The following FOXP2 variants were observed in gnomAD, a reference collection of about 807,000 sequenced individuals.
FOXP2 encodes the protein forkhead box protein P2.
FOXP2 carries 12 observed loss-of-function variants against 115.8 expected under a neutral mutation model. That is an observed-to-expected ratio of 0.10 (90% confidence interval 0.07 to 0.17). The LOEUF (loss-of-function observed/expected upper bound fraction) is 0.17, where lower values mean the gene tolerates loss of function less well. FOXP2 is among the 10% of genes least tolerant of loss of function. FOXP2 has a pLI of 1.00. For missense variants in FOXP2, 629 were observed against 843.5 expected (o/e 0.75, Z 3.15); for synonymous variants, 328 against 297.7 (o/e 1.10, Z -1.05).
chr7:114,411,358 C>A (rs1415123050), upstream of FOXP2, among the ~76,000 whole-genome samples: 1 of 152,060 alleles, frequency 6.6e-6, no homozygotes, highest in Non-Finnish European at 1.5e-5. Context: ...AACAAATACA[C>A]CTGTAACTCA....
intron 2 of FOXP2, among the ~76,000 whole-genome samples, chr7:114,386,630 C>G (rs981484263): frequency 6.6e-6 from 1 of 152,120 alleles, no homozygotes; most frequent in Admixed American, 6.6e-5. Flanking sequence ...TCACACTGAA[C>G]CAGATTTACA....
Position 114,659,639 on chromosome 7 carries a change from T to G in FOXP2, c.1613T>G (p.Phe538Cys). ...NEIYSWFTRT[F>C]AYFRRNAATW... Reference sequence around the variant, plus strand: ...ATTTACAGCTGGTTTACACGGACATTTGCTTACTTCAGGCGTAATGCAGCA... The same window carrying G: ...ATTTACAGCTGGTTTACACGGACATGTGCTTACTTCAGGCGTAATGCAGCA... Residue 538 changes from phenylalanine (F) to cysteine (C), a missense_variant, in exon 13 of 17, where the codon TTT becomes TGT. Physicochemically the swap from Phe to Cys is radical, Grantham distance 205 (BLOSUM62 -2). This residue lies in a region of FOXP2 where 26 missense variants were observed against 61.1 expected (regional missense o/e 0.43). Transcript: ENST00000350908. 6.2e-7 allele frequency: 1 copy of G among 1,613,700 alleles called. No individual in the cohort carries two copies.
chr7:114,126,883 C>T (rs1791724283), intron 1 of FOXP2, among the ~76,000 whole-genome samples: 1 of 152,114 alleles, frequency 6.6e-6, no homozygotes, highest in Non-Finnish European at 1.5e-5. Context: ...TTTCTTTTGG[C>T]TGATGCACTT....
intron 2 of FOXP2, among the ~76,000 whole-genome samples, chr7:114,348,363 A>G (rs1021175414): frequency 5.3e-5 from 8 of 151,604 alleles, no homozygotes; most frequent in Non-Finnish European, 7.4e-5. Context: ...TAATTGATTC[A>G]TCTTTCTTTC....
chr7:114,399,114 CTTTTT>C (rs66789053), intron 2 of FOXP2, among the ~76,000 whole-genome samples: 1 of 141,408 alleles, frequency 7.1e-6, no homozygotes, highest in African/African-American at 2.6e-5. Flanking sequence ...TTTTCTTTTT[CTTTTT>C]TTTTTTTTTG....
chr7:114,309,277 C>G (rs771076372), intron 2 of FOXP2, among the ~76,000 whole-genome samples: 4 of 152,158 alleles, frequency 2.6e-5, no homozygotes, highest in Non-Finnish European at 4.4e-5. Flanking sequence ...AACTGAAGCT[C>G]AGGAAACTGG....
At chr7:114,162,491 A>T (rs189215183), upstream of FOXP2, among the ~76,000 whole-genome samples, 1 of 151,918 alleles carries the variant, frequency 6.6e-6, no homozygotes, top group East Asian at 1.9e-4. Context: ...TTATTATTCC[A>T]TTAAAATTTT....
At chr7:114,190,412 G>A (rs1276360639) in intron 1 of FOXP2, among the ~76,000 whole-genome samples, 1 of 152,138 alleles carries the variant, frequency 6.6e-6, no homozygotes, top group African/African-American at 2.4e-5. Context: ...CATTTCTCCT[G>A]CTCTTGGACA....
chr7:114,523,191 G>C (rs1226297517), intron 2 of FOXP2, among the ~76,000 whole-genome samples: 1 of 152,144 alleles, frequency 6.6e-6, no homozygotes, highest in Non-Finnish European at 1.5e-5. Flanking sequence ...TTTATTCAGA[G>C]ATCATCAATG....
intron 16 of FOXP2, among the ~76,000 whole-genome samples, chr7:114,670,752 T>A (rs540371791): frequency 3.3e-5 from 5 of 152,264 alleles, no homozygotes; most frequent in Non-Finnish European, 7.4e-5. Context: ...TGGTTGCTGA[T>A]ATTTTATATA....
intron 1 of FOXP2, among the ~76,000 whole-genome samples, chr7:114,146,306 T>G (rs4727797): frequency 0.71 from 107,829 of 152,122 alleles, 42,183 homozygotes; most frequent in Non-Finnish European, 0.87. Context: ...ACACTAGGCA[T>G]AATACATGTT....
At chr7:114,623,396 C>A (rs1584961604) in intron 3 of FOXP2, among the ~76,000 whole-genome samples, 1 of 151,734 alleles carries the variant, frequency 6.6e-6, no homozygotes, top group Non-Finnish European at 1.5e-5. Context: ...AGTGACCATG[C>A]AAATGTTTCA....
chr7:114,318,737 G>T (rs966585235), intron 2 of FOXP2, among the ~76,000 whole-genome samples: 2 of 141,408 alleles, frequency 1.4e-5, no homozygotes, highest in Non-Finnish European at 3.1e-5. Context: ...ACACACACAC[G>T]CACAGACATA....
intron 1 of FOXP2, among the ~76,000 whole-genome samples, chr7:114,092,723 C>A (rs1445996653): frequency 6.6e-6 from 1 of 151,888 alleles, no homozygotes; most frequent in African/African-American, 2.4e-5. Flanking sequence ...AAAAAAAGAT[C>A]CCCAACATCT....
At chr7:114,100,093 G>A (rs901898901) in intron 1 of FOXP2, among the ~76,000 whole-genome samples, 1 of 152,024 alleles carries the variant, frequency 6.6e-6, no homozygotes, top group African/African-American at 2.4e-5. Flanking sequence ...TTTTTGTAAT[G>A]TCTAATATTT....
intron 1 of FOXP2, among the ~76,000 whole-genome samples, chr7:114,154,191 A>G (rs1792597561): frequency 6.6e-6 from 1 of 152,150 alleles, no homozygotes; most frequent in South Asian, 2.1e-4. Context: ...AGCTGCAAGC[A>G]TGTTACAAGG....
At chr7:114,619,966 G>T (rs1325405285) in intron 3 of FOXP2, among the ~76,000 whole-genome samples, 1 of 151,966 alleles carries the variant, frequency 6.6e-6, no homozygotes, top group East Asian at 1.9e-4. Context: ...GTCATTTATG[G>T]TGTATAGGGT....
intron 1 of FOXP2, among the ~76,000 whole-genome samples, chr7:114,210,304 G>GCAACCA (rs1347047538): frequency 6.6e-6 from 1 of 152,198 alleles, no homozygotes; most frequent in Non-Finnish European, 1.5e-5. Context: ...TGACTTCAAA[G>GCAACCA]ATGGGGTTTT....
chr7:114,539,336 A>G (rs532387917), intron 3 of FOXP2, among the ~76,000 whole-genome samples: 1 of 152,038 alleles, frequency 6.6e-6, no homozygotes, highest in East Asian at 1.9e-4. Context: ...TTCTTTTTCA[A>G]TATTACTTTT....
Sources: gnomAD v4.1 joint callset for allele counts (sites outside exome capture counted in the v4.1 genomes callset) on GRCh38, gnomAD v4.1.1 for gene constraint, gnomAD v4.1.1 regional missense constraint, MANE v1.5 for transcripts, NCBI Gene and HGNC (gene_info 2026-07-23, HGNC 2026-07-21) for gene names.